Variants in MACF1 observed in about 807,000 individuals in gnomAD.
The protein encoded by MACF1 is microtubule actin crosslinking factor 1, also known as microtubule-actin cross-linking factor 1.
MACF1 carries 193 observed loss-of-function variants against 854.8 expected under a neutral mutation model. The ratio of observed to expected loss-of-function variants is 0.23; its 90% CI spans 0.20 to 0.25. MACF1 has a LOEUF of 0.25. Among genes scored for constraint, MACF1 ranks in the 10% least tolerant of loss-of-function variants. MACF1 has a pLI of 1.00. For synonymous variants in MACF1, 3,185 were observed against 3,226.7 expected (o/e 0.99, Z 0.44); for missense variants, 7,722 against 8,929.1 (o/e 0.86, Z 5.45).
At position 39,198,480 on chromosome 1, in the gene MACF1, G is replaced by A. The variant is rs532983609; in HGVS notation, c.221-32702G>A. Among the ~76,000 whole-genome samples the A allele has an allele frequency of 2.3e-4, 35 of 151,836 alleles. 1 individual carries two copies. Among genetic ancestry groups the A allele is most frequent in the African/African-American group, 7.7e-4 (32 of 41,392 alleles). ...AGCCTAACCAATGTGATGAAACCCC[G>A]TCTCTACTAAAAATACAAAAATTAG... On this transcript the variant is annotated intron_variant, in intron 2 of 93. Coordinates refer to the MACF1 transcript ENST00000361689.
At chr1:39,185,653 A>G (rs1644158805) in intron 2 of MACF1, among the ~76,000 whole-genome samples, 1 of 152,204 alleles carries the variant, frequency 6.6e-6, no homozygotes, top group Non-Finnish European at 1.5e-5. Context: ...CTTCTGGCTG[A>G]TCATGAGTTT....
In MACF1 at chr1:39,334,167, A is replaced by G. The variant is rs780266474; in HGVS notation, c.7579A>G (p.Ile2527Val). 4 of 1,614,062 alleles carry G rather than the reference A, an allele frequency of 2.5e-6. No homozygotes were observed. Among genetic ancestry groups the G allele is most frequent in the African/African-American group, 1.3e-5 (1 of 74,916 alleles). The change falls in exon 37 of 101, where the codon ATT (isoleucine) becomes GTT (valine). Residue 2527 changes from isoleucine (I) to valine (V), a missense_variant. Coordinates refer to ENST00000564288, the MANE Select transcript of MACF1 (RefSeq NM_001394062.1). ...TGATAATGCCTTCAGACATGGCTTA[A>G]TTGGTGAAGATTTAGCCGAGAAACT... Reference protein sequence around the residue: ...SVDNAFRHGLIGEDLAEKLKR... With the variant: ...SVDNAFRHGLVGEDLAEKLKR...
At chr1:39,341,601 G>A (rs532675833) in intron 40 of MACF1, among the ~76,000 whole-genome samples, 12 of 151,870 alleles carry the variant, frequency 7.9e-5, no homozygotes, top group African/African-American at 2.9e-4. Context: ...GGGAGCCTGA[G>A]GCAGGAGAAT....
intron 30 of MACF1, among the ~76,000 whole-genome samples, chr1:39,319,041 T>C (rs913402842): frequency 6.6e-6 from 1 of 152,042 alleles, no homozygotes; most frequent in Non-Finnish European, 1.5e-5. Flanking sequence ...TGTTTAGCAT[T>C]ATGGTTAAGA....
At chr1:39,379,161 G>A (rs1432998009) in intron 53 of MACF1, 42 bp from the exon 54 acceptor site, 8 of 1,527,798 alleles carry the variant, frequency 5.2e-6, no homozygotes, top group South Asian at 3.9e-5. Context: ...GAGCATACTC[G>A]AAGAGCTGTC....
At chr1:39,269,301 C>A (rs970367040) in intron 6 of MACF1, 1 of 1,289,770 alleles carries the variant, frequency 7.8e-7, no homozygotes, top group Non-Finnish European at 1.0e-6. Context: ...CTGTGCTTTG[C>A]CTAGGACAGA....
chr1:39,452,609 T>C (rs1226135168), intron 86 of MACF1, 75 bp from the exon 87 acceptor site: 2 of 1,587,030 alleles, frequency 1.3e-6, no homozygotes, highest in Non-Finnish European at 1.7e-6. Flanking sequence ...CACTGGACCC[T>C]TTCCCTAGCA....
rs942079024 is a variant in MACF1, at chr1:39,390,888, A to T, written c.15816+2230A>T. On this transcript the variant is annotated intron_variant, in intron 58 of 100. Transcript: ENST00000564288. Reference sequence around the variant, plus strand: ...TTTGGGAGGCCGAGGCGGGTGGATCACGAGGTCAGGAGATCGAGACCATCC... The same window carrying T: ...TTTGGGAGGCCGAGGCGGGTGGATCTCGAGGTCAGGAGATCGAGACCATCC... 4.6e-5 allele frequency among the ~76,000 whole-genome samples: 7 copies of T among 152,292 alleles called. No homozygotes were observed. In the South Asian group the frequency reaches 1.0e-3, roughly 23 times the overall value.
chr1:39,327,206 T>C lies in MACF1; in HGVS notation c.4479-12T>C. Reference sequence around the variant, plus strand: ...TTTTCTCCTAAAAAAGCTTTAATGCTTCATCTTCCAGGCTCTCAGAAAAAG... The same window carrying C: ...TTTTCTCCTAAAAAAGCTTTAATGCCTCATCTTCCAGGCTCTCAGAAAAAG... On this transcript the variant is annotated splice_polypyrimidine_tract_variant and intron_variant, in intron 35 of 100. Transcript: ENST00000564288. The C allele has an allele frequency of 6.4e-7, 1 of 1,555,968 alleles. No individual in the cohort carries two copies.
At chr1:39,228,240 G>A (rs1179992827) in intron 1 of MACF1, among the ~76,000 whole-genome samples, 2 of 152,108 alleles carry the variant, frequency 1.3e-5, no homozygotes, top group Non-Finnish European at 2.9e-5. Context: ...GAACCCAGGG[G>A]GCAGAGTTGC....
chr1:39,468,830 T>C, intron 96 of MACF1, 98 bp downstream of exon 96: 1 of 1,122,876 alleles, frequency 8.9e-7, no homozygotes, highest in Admixed American at 1.8e-5. Flanking sequence ...TCTGTCTGTT[T>C]TTTATTTTGT....
chr1:39,225,963 A>G (rs1271896842), intron 1 of MACF1, among the ~76,000 whole-genome samples: 1 of 152,230 alleles, frequency 6.6e-6, no homozygotes, highest in Non-Finnish European at 1.5e-5. Flanking sequence ...AAAAATTAAG[A>G]TATTAAACTC....
chr1:39,379,285 A>G lies in MACF1; in HGVS notation c.13359A>G (p.Glu4453=). ...GGGGAGTACTTCATGAACGCCAGGA[A>G]AGCCTTCAGGCTATCCTCAACAGAA... ...KLGGVLHERQ[E]SLQAILNRME... is the part of the protein sequence containing the mutation. The change falls in exon 54 of 101, where the codon GAA becomes GAG. Residue 4453 remains glutamate (E), a synonymous_variant. Coordinates refer to ENST00000564288, the MANE Select transcript of MACF1 (RefSeq NM_001394062.1). The G allele has an allele frequency of 6.2e-7, 1 of 1,613,586 alleles. No homozygotes were observed. Among genetic ancestry groups the G allele is most frequent in the Non-Finnish European group, 8.5e-7 (1 of 1,179,796 alleles).
chr1:39,392,797 T>G (rs1030989071), intron 58 of MACF1, among the ~76,000 whole-genome samples: 1 of 152,210 alleles, frequency 6.6e-6, no homozygotes. Flanking sequence ...CCTCAGTTGC[T>G]TCTGAATGAT....
intron 6 of MACF1, among the ~76,000 whole-genome samples, chr1:39,260,844 A>C (rs1456193583): frequency 6.6e-6 from 1 of 151,910 alleles, no homozygotes; most frequent in African/African-American, 2.4e-5. Context: ...TTTTTTTCTT[A>C]TACTGAAAAT....
intron 2 of MACF1, among the ~76,000 whole-genome samples, chr1:39,239,358 T>A (rs1235753648): frequency 6.6e-6 from 1 of 152,200 alleles, no homozygotes; most frequent in Non-Finnish European, 1.5e-5. Context: ...ATTTAGTTGA[T>A]CTTGGAATCT....
Position 39,317,203 on chromosome 1 carries a change from T to C in MACF1, c.3589-11T>C, listed in dbSNP as rs567485111. 130 of 1,612,414 alleles carry C rather than the reference T, an allele frequency of 8.1e-5. No individual in the cohort carries two copies. The South Asian group carries it at 1.3e-3, about 16-fold the overall frequency. On this transcript the variant is annotated splice_polypyrimidine_tract_variant and intron_variant, in intron 28 of 100. Transcript: ENST00000564288. ...AGTATACAACCTGTTTCTGTACTTA[T>C]GTTTCCACAGCACTGGCTTAGTGAT...
chr1:39,123,721 T>TG lies in MACF1; in HGVS notation c.220+39283_220+39284insG, dbSNP rs1339042215. Among the ~76,000 whole-genome samples the TG allele has an allele frequency of 1.3e-3, 169 of 135,058 alleles. 1 individual carries two copies. The highest frequency in any genetic ancestry group is 3.7e-3 in the Middle Eastern group (1 of 272). The allele number at this position is 135,058 out of a possible 152,430, so 88.6% of individuals were successfully genotyped here. On this transcript the variant is annotated intron_variant, in intron 2 of 93. Coordinates refer to the MACF1 transcript ENST00000361689. The stretch of plus-strand genomic sequence containing the variant: ...TGCCCGGCTAATTCTTGTTTTGTTT[T>TG]TTTTTTTTTTTTTTTTGTCCGAGGC...
At position 39,336,370 on chromosome 1, in the gene MACF1, A is replaced by G; in HGVS notation, c.9782A>G (p.Gln3261Arg). The stretch of plus-strand genomic sequence containing the variant: ...GGATCCATTGAGGACATAGTGACTC[A>G]GAGAGGTTCCAGAGTCTTGGGATCC... Reference protein sequence around the residue: ...EAGSIEDIVTQRGSRVLGSFL... With the variant: ...EAGSIEDIVTRRGSRVLGSFL... Residue 3261 changes from glutamine to arginine, a missense_variant, in exon 37 of 101, where the codon CAG becomes CGG. This residue lies in a region of MACF1 where 854 missense variants were observed against 852.6 expected (regional missense o/e 1.00). Coordinates refer to ENST00000564288, the MANE Select transcript of MACF1 (RefSeq NM_001394062.1). 1 of 1,614,246 alleles carries G rather than the reference A, an allele frequency of 6.2e-7. No individual in the cohort carries two copies. The highest frequency in any genetic ancestry group is 8.5e-7 in the Non-Finnish European group (1 of 1,180,034).
Sources: gnomAD v4.1 joint callset for allele counts (sites outside exome capture counted in the v4.1 genomes callset) on GRCh38, gnomAD v4.1.1 for gene constraint, gnomAD v4.1.1 regional missense constraint, MANE v1.5 for transcripts, NCBI Gene and HGNC (gene_info 2026-07-23, HGNC 2026-07-21) for gene names.